Variants in GAS7 observed in about 807,000 individuals in gnomAD.
GAS7 encodes growth arrest specific 7.
GAS7 carries 28 observed loss-of-function variants against 71.1 expected under a neutral mutation model. The ratio of observed to expected loss-of-function variants is 0.39; its 90% confidence interval spans 0.29 to 0.54. The LOEUF (loss-of-function observed/expected upper bound fraction) is 0.54. Among genes scored for constraint, GAS7 ranks in the 20% least tolerant of loss-of-function variants. The probability of loss-of-function intolerance (pLI) is 0.62; values close to 1 mark genes in which losing one functional copy is unlikely to be tolerated. For missense variants in GAS7, 436 were observed against 627.8 expected (o/e 0.69, Z 3.27); for synonymous variants, 258 against 245.8 (o/e 1.05, Z -0.46).
chr17:9,929,965 C>G (rs1307497757), intron 9 of GAS7, among the ~76,000 whole-genome samples: 1 of 152,184 alleles, frequency 6.6e-6, no homozygotes, highest in Non-Finnish European at 1.5e-5. Context: ...AACTCTCGCT[C>G]TCTTTGCTTC....
intron 8 of GAS7, among the ~76,000 whole-genome samples, chr17:9,936,179 A>T (rs186556830): frequency 1.4e-4 from 22 of 152,320 alleles, no homozygotes; most frequent in Admixed American, 1.3e-3. Context: ...GAAAGCCAAC[A>T]CTATTTGAAG....
chr17:9,948,815 T>C (rs1052652029), intron 5 of GAS7, among the ~76,000 whole-genome samples: 1 of 152,186 alleles, frequency 6.6e-6, no homozygotes, highest in Non-Finnish European at 1.5e-5. Context: ...TTTTCCCCAT[T>C]GTGTGGAGGT....
At chr17:9,958,559 C>T (rs570798653) in intron 5 of GAS7, among the ~76,000 whole-genome samples, 30 of 151,674 alleles carry the variant, frequency 2.0e-4, no homozygotes, top group African/African-American at 6.8e-4. Context: ...GGCCTGTGCC[C>T]CTCAGGGGGC....
At chr17:10,058,712 C>T (rs2073181577) in intron 1 of GAS7, among the ~76,000 whole-genome samples, 1 of 152,218 alleles carries the variant, frequency 6.6e-6, no homozygotes, top group African/African-American at 2.4e-5. Flanking sequence ...CTCTCAGACA[C>T]ATCACACCCC....
intron 1 of GAS7, among the ~76,000 whole-genome samples, chr17:10,022,516 A>G (rs2072309211): frequency 6.6e-6 from 1 of 152,194 alleles, no homozygotes; most frequent in Non-Finnish European, 1.5e-5. Context: ...AGGCTCAAAC[A>G]GCCTTCAGTG....
At position 10,115,068 on chromosome 17, in the gene GAS7, AC is replaced by A. The variant is rs541394719; in HGVS notation, c.183+83139del. Among the ~76,000 whole-genome samples, 42 of 152,084 alleles carry A rather than the reference AC, an allele frequency of 2.8e-4. 1 individual carries two copies. In the South Asian group the frequency reaches 8.8e-3, roughly 32 times the overall value. On this transcript the variant is annotated intron_variant, in intron 1 of 13. Coordinates refer to ENST00000432992, the MANE Select transcript of GAS7 (RefSeq NM_201433.2). Reference sequence around the variant, plus strand: ...CTGGCTGGCTGCCTCTCTGTGCCAGACCCAAGCTGGCACTGGGGTTTTGGTG... The same window carrying A: ...CTGGCTGGCTGCCTCTCTGTGCCAGACCAAGCTGGCACTGGGGTTTTGGTG...
chr17:10,125,638 A>T (rs920463621), intron 1 of GAS7, among the ~76,000 whole-genome samples: 2 of 151,204 alleles, frequency 1.3e-5, no homozygotes, highest in Non-Finnish European at 2.9e-5. Context: ...AGGGGAGTAA[A>T]GGGTGATGGG....
chr17:10,077,918 T>G (rs1460272422), intron 1 of GAS7, among the ~76,000 whole-genome samples: 1 of 152,154 alleles, frequency 6.6e-6, no homozygotes, highest in Non-Finnish European at 1.5e-5. Context: ...AGATGACAAC[T>G]ATTTATCAGA....
chr17:10,173,554 G>A (rs1000454546), intron 1 of GAS7, among the ~76,000 whole-genome samples: 2 of 151,962 alleles, frequency 1.3e-5, no homozygotes, highest in African/African-American at 4.8e-5. Context: ...GGATCACAAG[G>A]TCAGGAGATC....
intron 1 of GAS7, among the ~76,000 whole-genome samples, chr17:10,048,400 TCTC>T (rs1567568277): frequency 6.7e-6 from 1 of 149,264 alleles, no homozygotes; most frequent in Non-Finnish European, 1.5e-5. Context: ...TCCTCAGACT[TCTC>T]CTCTACCCTC....
intron 1 of GAS7, among the ~76,000 whole-genome samples, chr17:10,052,226 C>G (rs575977170): frequency 2.6e-5 from 4 of 152,298 alleles, no homozygotes; most frequent in African/African-American, 9.6e-5. Flanking sequence ...ACTTTCCCAT[C>G]ATACCTGAGA....
chr17:10,159,108 A>C (rs564111617), intron 1 of GAS7, among the ~76,000 whole-genome samples: 1 of 115,348 alleles, frequency 8.7e-6, no homozygotes, highest in Non-Finnish European at 1.8e-5. Context: ...TAAAGATAAC[A>C]CACACGCACA....
intron 1 of GAS7, among the ~76,000 whole-genome samples, chr17:10,150,245 G>C (rs2074154021): frequency 6.6e-6 from 1 of 152,158 alleles, no homozygotes. Flanking sequence ...AGGAAGTGTG[G>C]TTGTGACATT....
At chr17:10,021,084 GGACA>G (rs1248731706) in intron 1 of GAS7, among the ~76,000 whole-genome samples, 1 of 152,148 alleles carries the variant, frequency 6.6e-6, no homozygotes, top group African/African-American at 2.4e-5. Flanking sequence ...TTTAAAATTA[GGACA>G]GAGAGTCCAA....
At chr17:10,057,737 G>A (rs552755995) in intron 1 of GAS7, among the ~76,000 whole-genome samples, 47 of 150,392 alleles carry the variant, frequency 3.1e-4, no homozygotes, top group African/African-American at 1.1e-3. Flanking sequence ...CCACCGCCCC[G>A]TCTGGAAGGT....
chr17:10,048,373 C>T (rs2073012054), intron 1 of GAS7, among the ~76,000 whole-genome samples: 6 of 152,142 alleles, frequency 3.9e-5, no homozygotes, highest in Non-Finnish European at 8.8e-5. Context: ...GAAAGGGTTA[C>T]CCAGGAAATC....
At chr17:9,985,651 A>G (rs2070617732) in intron 2 of GAS7, among the ~76,000 whole-genome samples, 1 of 152,244 alleles carries the variant, frequency 6.6e-6, no homozygotes, top group Non-Finnish European at 1.5e-5. Flanking sequence ...CTCATAGCTG[A>G]GTCCCTCTCA....
Position 10,103,460 on chromosome 17 carries a change from C to T in GAS7, c.184-83563G>A, listed in dbSNP as rs1450720551. Among the ~76,000 whole-genome samples the T allele has an allele frequency of 2.6e-5, 4 of 152,134 alleles. No individual in the cohort carries two copies. Among genetic ancestry groups the T allele is most frequent in the Non-Finnish European group, 5.9e-5 (4 of 68,024 alleles). ...TCTAGCTGCCCAGTGAGACTGTTTT[C>T]CATTTTCCAAAACAACGATTTCATT... On this transcript the variant is annotated intron_variant, in intron 1 of 13. Coordinates refer to ENST00000432992, the MANE Select transcript of GAS7 (RefSeq NM_201433.2). The surrounding 1 kb of genome is among the most constrained non-coding windows in gnomAD (Gnocchi z 5.5).
At chr17:10,139,395 T>C (rs1288433200) in intron 1 of GAS7, among the ~76,000 whole-genome samples, 1 of 152,240 alleles carries the variant, frequency 6.6e-6, no homozygotes, top group African/African-American at 2.4e-5. Context: ...ATTATGTTCC[T>C]GGTTAGTATC....
Sources: gnomAD v4.1 joint callset for allele counts (sites outside exome capture counted in the v4.1 genomes callset) on GRCh38, gnomAD v4.1.1 for gene constraint, Gnocchi (gnomAD v3.1) non-coding constraint, MANE v1.5 for transcripts, NCBI Gene and HGNC (gene_info 2026-07-23, HGNC 2026-07-21) for gene names.